FAM13A: variants seen among roughly 807,000 people sequenced by gnomAD.
The protein encoded by FAM13A is family with sequence similarity 13 member A.
In FAM13A, 76 loss-of-function variants were observed where a neutral mutation model predicts 129.6. That is an observed-to-expected ratio of 0.59 (90% CI 0.49 to 0.71). The LOEUF is 0.71. Ranked by LOEUF, FAM13A falls within the 30% of genes least tolerant of loss-of-function variation. The pLI is 0.00. For missense variants in FAM13A, 1,108 were observed against 1,249.3 expected (o/e 0.89, Z 1.70); for synonymous variants, 443 against 449.9 (o/e 0.98, Z 0.20).
chr4:88,874,250 C>T (rs1157925756), intron 6 of FAM13A, among the ~76,000 whole-genome samples: 2 of 152,152 alleles, frequency 1.3e-5, no homozygotes, highest in Non-Finnish European at 2.9e-5. Context: ...TGCCCTCTCT[C>T]ACCACTCCTA....
chr4:88,896,542 C>T (rs1746367557), intron 6 of FAM13A, among the ~76,000 whole-genome samples: 1 of 152,128 alleles, frequency 6.6e-6, no homozygotes, highest in Non-Finnish European at 1.5e-5. Context: ...GTTTACTTTG[C>T]ACAGGCATTT....
chr4:88,860,404 T>C (rs2150029538), intron 6 of FAM13A, among the ~76,000 whole-genome samples: 1 of 152,360 alleles, frequency 6.6e-6, no homozygotes, highest in South Asian at 2.1e-4. Flanking sequence ...CTGGAAAACG[T>C]CTAGAAATAA....
chr4:88,863,224 T>C lies in FAM13A; in HGVS notation c.844-12041A>G, dbSNP rs12509474. 8.0e-3 allele frequency among the ~76,000 whole-genome samples: 1,219 copies of C among 152,220 alleles called. 7 individuals are homozygous for C. The highest frequency in any genetic ancestry group is 0.014 in the Middle Eastern group (4 of 294). On this transcript the variant is annotated intron_variant, in intron 6 of 23. Transcript: ENST00000264344. ...CTAGAGAGGGGAAAGGGGCTGGAGA[T>C]AGAATTCAATCACCAATGACCAATG...
At chr4:88,877,576 A>T (rs1235148291) in intron 6 of FAM13A, among the ~76,000 whole-genome samples, 1 of 152,232 alleles carries the variant, frequency 6.6e-6, no homozygotes, top group Non-Finnish European at 1.5e-5. Context: ...AAGAGGTAAA[A>T]TATCATACAT....
chr4:88,787,722 CAAGT>C (rs775231154), intron 10 of FAM13A, 27 bp downstream of exon 10: 1 of 1,601,946 alleles, frequency 6.2e-7, no homozygotes. Flanking sequence ...AGAGAAAACT[CAAGT>C]AAGAGGAAGA....
chr4:88,881,888 T>A (rs887888144), intron 6 of FAM13A, among the ~76,000 whole-genome samples: 1 of 151,746 alleles, frequency 6.6e-6, no homozygotes, highest in Admixed American at 6.6e-5. Flanking sequence ...ATTTCAGAGG[T>A]CAAAGTAAAG....
rs1470460994 is a variant in FAM13A, at chr4:88,826,763, G to T, written c.1008-21711C>A. The stretch of plus-strand genomic sequence containing the variant: ...CCTCACTCTTTATGACGTCCTCTTG[G>T]TTTAGGAGAAAGGGTCCTCACATAT... On this transcript the variant is annotated intron_variant, in intron 7 of 23. Coordinates refer to ENST00000264344, the MANE Select transcript of FAM13A (RefSeq NM_014883.4). 2.6e-5 allele frequency among the ~76,000 whole-genome samples: 4 copies of T among 152,090 alleles called. No homozygotes were observed. In the East Asian group the frequency reaches 7.7e-4, roughly 29 times the overall value.
At chr4:88,901,015 C>T (rs1246632) in intron 6 of FAM13A, among the ~76,000 whole-genome samples, 112,511 of 151,976 alleles carry the variant, frequency 0.74, 41,939 homozygotes, top group Non-Finnish European at 0.79. Context: ...CAAAACAGGC[C>T]TTAAACCAAC....
intron 4 of FAM13A, among the ~76,000 whole-genome samples, chr4:88,985,121 G>A (rs1762076337): frequency 6.6e-6 from 1 of 152,176 alleles, no homozygotes; most frequent in Non-Finnish European, 1.5e-5. Flanking sequence ...AAGGAATGAT[G>A]TACTGACACA....
At chr4:88,897,699 CAGCTCACTAAGTCACCCTAG>C (rs1746589900) in intron 6 of FAM13A, among the ~76,000 whole-genome samples, 1 of 152,208 alleles carries the variant, frequency 6.6e-6, no homozygotes, top group Non-Finnish European at 1.5e-5. Context: ...ATCACCCTCA[CAGCTCACTAAGTCACCCTAG>C]AAAGGACACA....
intron 6 of FAM13A, among the ~76,000 whole-genome samples, chr4:88,898,295 G>T (rs549022497): frequency 1.1e-4 from 17 of 152,010 alleles, no homozygotes; most frequent in Non-Finnish European, 2.4e-4. Context: ...AAATGCATTT[G>T]TTTAGTGAGT....
At chr4:88,961,597 G>A (rs551357118) in intron 4 of FAM13A, among the ~76,000 whole-genome samples, 5 of 152,064 alleles carry the variant, frequency 3.3e-5, no homozygotes, top group Non-Finnish European at 2.9e-5. Flanking sequence ...TCGAACTCCT[G>A]ACCTTGTGAT....
intron 4 of FAM13A, among the ~76,000 whole-genome samples, chr4:88,945,988 G>GTGTA (rs1326570084): frequency 1.5e-4 from 2 of 13,676 alleles, no homozygotes; most frequent in Non-Finnish European, 2.6e-4. Context: ...GTGTGTGTGT[G>GTGTA]TGTATATATA....
chr4:88,733,176 C>T (rs1003288941), intron 21 of FAM13A, among the ~76,000 whole-genome samples: 8 of 152,318 alleles, frequency 5.3e-5, no homozygotes, highest in South Asian at 4.1e-4. Context: ...CAGCAGTTCC[C>T]GCTGGCGGGC....
intron 3 of FAM13A, among the ~76,000 whole-genome samples, chr4:89,013,501 A>T (rs1440057043): frequency 6.6e-6 from 1 of 152,046 alleles, no homozygotes; most frequent in African/African-American, 2.4e-5. Context: ...AATTACAGTC[A>T]TGCACTGCAC....
chr4:88,735,388 G>A (rs899384004), intron 21 of FAM13A, among the ~76,000 whole-genome samples: 2 of 152,150 alleles, frequency 1.3e-5, no homozygotes, highest in African/African-American at 4.8e-5. Context: ...TATGTAGTGA[G>A]TGACATAACT....
intron 9 of FAM13A, among the ~76,000 whole-genome samples, chr4:88,788,215 A>G (rs1456267086): frequency 1.2e-4 from 18 of 152,212 alleles, no homozygotes; most frequent in Middle Eastern, 3.2e-3. Flanking sequence ...ATTATGAGGC[A>G]TTCAGGAAAC....
chr4:89,045,878 G>T (rs779000830), intron 1 of FAM13A, among the ~76,000 whole-genome samples: 4 of 151,956 alleles, frequency 2.6e-5, no homozygotes, highest in Non-Finnish European at 5.9e-5. Flanking sequence ...ACAAAAATTA[G>T]CTGGGCATGG....
chr4:89,012,199 A>T (rs1445522184), intron 3 of FAM13A, among the ~76,000 whole-genome samples: 1 of 152,230 alleles, frequency 6.6e-6, no homozygotes, highest in Non-Finnish European at 1.5e-5. Flanking sequence ...CTATTTCCAA[A>T]ACACACATGA....
Sources: allele counts gnomAD v4.1 joint callset (sites outside exome capture counted in the v4.1 genomes callset), GRCh38; gene constraint gnomAD v4.1.1; transcripts MANE v1.5; gene names NCBI Gene and HGNC (gene_info 2026-07-23, HGNC 2026-07-21).